Variants in DDAH1 observed in about 807,000 individuals in gnomAD.
DDAH1 encodes the protein dimethylarginine dimethylaminohydrolase 1, also known as N(G),N(G)-dimethylarginine dimethylaminohydrolase 1.
DDAH1 carries 19 observed loss-of-function variants against 28.8 expected under a neutral mutation model. That is an observed-to-expected ratio of 0.66 (90% CI 0.46 to 0.97). DDAH1 has a LOEUF of 0.97. Among genes scored for constraint, DDAH1 ranks in the 50% least tolerant of loss-of-function variants. The pLI, the probability that DDAH1 is intolerant of heterozygous loss-of-function variation, is 0.00. For missense variants in DDAH1, 326 were observed against 375.9 expected, an observed-to-expected ratio of 0.87 and a Z score of 1.10; for synonymous variants, 153 against 154.4, an observed-to-expected ratio of 0.99 and a Z score of 0.07.
intron 2 of DDAH1, among the ~76,000 whole-genome samples, chr1:85,484,162 G>A (rs946063232): frequency 2.6e-5 from 4 of 152,122 alleles, no homozygotes; most frequent in African/African-American, 9.6e-5. Context: ...GAATACTGGC[G>A]GCAAGTGACC....
chr1:85,415,005 C>CTTTTT (rs71727580), intron 1 of DDAH1, among the ~76,000 whole-genome samples: 2 of 57,606 alleles, frequency 3.5e-5, no homozygotes, highest in African/African-American at 6.4e-5. Flanking sequence ...TCAAGTGTTG[C>CTTTTT]TTTTTTTTTT....
intron 1 of DDAH1, among the ~76,000 whole-genome samples, chr1:85,452,501 A>G (rs549863023): frequency 3.3e-5 from 5 of 152,162 alleles, no homozygotes; most frequent in African/African-American, 1.2e-4. Flanking sequence ...ATACACTCTG[A>G]TATTTTCTAT....
intron 1 of DDAH1, among the ~76,000 whole-genome samples, chr1:85,535,354 T>G (rs1658239543): frequency 7.4e-6 from 1 of 134,692 alleles, no homozygotes; most frequent in Non-Finnish European, 1.6e-5. Context: ...TTCCTCCCAG[T>G]CATAAAACTC....
intron 1 of DDAH1, among the ~76,000 whole-genome samples, chr1:85,456,169 G>A (rs1654872950): frequency 6.6e-6 from 1 of 151,912 alleles, no homozygotes; most frequent in Non-Finnish European, 1.5e-5. Context: ...CCTGCCCCCA[G>A]GACAGTGGGT....
At chr1:85,406,347 T>A (rs1378044465) in intron 1 of DDAH1, among the ~76,000 whole-genome samples, 1 of 152,174 alleles carries the variant, frequency 6.6e-6, no homozygotes, top group Admixed American at 6.5e-5. Context: ...AATATTTTTT[T>A]AAGATACATT....
chr1:85,404,938 G>C (rs536445832), intron 1 of DDAH1, among the ~76,000 whole-genome samples: 1 of 152,266 alleles, frequency 6.6e-6, no homozygotes, highest in South Asian at 2.1e-4. Flanking sequence ...TTTGGGTTTT[G>C]TTTTGCTTCA....
chr1:85,397,683 G>T (rs1333656039), intron 1 of DDAH1, among the ~76,000 whole-genome samples: 1 of 152,090 alleles, frequency 6.6e-6, no homozygotes, highest in South Asian at 2.1e-4. Flanking sequence ...AATACAATTG[G>T]AAACACTGGT....
intron 1 of DDAH1, among the ~76,000 whole-genome samples, chr1:85,392,274 T>C (rs1469079113): frequency 6.6e-6 from 1 of 152,166 alleles, no homozygotes; most frequent in Non-Finnish European, 1.5e-5. Flanking sequence ...TTGTATTATC[T>C]TGGTATGCAT....
At chr1:85,321,723 C>T (rs548294378) in intron 5 of DDAH1, among the ~76,000 whole-genome samples, 155 bp from the exon 6 acceptor site, 25 of 152,240 alleles carry the variant, frequency 1.6e-4, no homozygotes, top group Non-Finnish European at 5.9e-5. Context: ...CACAGTCATC[C>T]CTATAGAGCT....
chr1:85,525,661 G>C (rs1570641904), intron 1 of DDAH1, among the ~76,000 whole-genome samples: 5 of 151,930 alleles, frequency 3.3e-5, no homozygotes, highest in Admixed American at 3.3e-4. Flanking sequence ...CAAAACTGGA[G>C]ACTAGCAGGA....
chr1:85,379,152 G>A (rs4512701), intron 1 of DDAH1, among the ~76,000 whole-genome samples: 19,855 of 152,108 alleles, frequency 0.13, 1,579 homozygotes, highest in South Asian at 0.29. Flanking sequence ...GGATGTAAGT[G>A]GCCTTATAGA....
intron 4 of DDAH1, among the ~76,000 whole-genome samples, chr1:85,336,548 G>A (rs1648135163): frequency 6.6e-6 from 1 of 151,670 alleles, no homozygotes; most frequent in Admixed American, 6.6e-5. Context: ...TTGTTACAAG[G>A]GAAATTTATA....
intron 1 of DDAH1, among the ~76,000 whole-genome samples, chr1:85,416,758 C>T (rs572332930): frequency 3.3e-5 from 5 of 152,098 alleles, no homozygotes; most frequent in Admixed American, 2.6e-4. Context: ...ACCTTTGCCT[C>T]GTGGGCTCAA....
Position 85,361,501 on chromosome 1 carries a change from C to G in DDAH1, c.304-2654G>C, listed in dbSNP as rs75816067. Among the ~76,000 whole-genome samples the G allele has an allele frequency of 9.3e-4, 141 of 152,204 alleles. 1 individual carries two copies. Among genetic ancestry groups the G allele is most frequent in the Middle Eastern group, 3.4e-3 (1 of 294 alleles). ...AACAGTATTAATTCCAACGGCTGAGCTGAATGGGTCATTTTAGCCCACAAA... is the reference window on the plus strand; with the variant it reads ...AACAGTATTAATTCCAACGGCTGAGGTGAATGGGTCATTTTAGCCCACAAA... On this transcript the variant is annotated intron_variant, in intron 1 of 5. Transcript: ENST00000284031.
rs781648534 is a variant in DDAH1 at position 85,464,729 on chromosome 1, G to C, written c.303+14C>G. On this transcript the variant is annotated intron_variant, in intron 1 of 5. Coordinates refer to ENST00000284031, the MANE Select transcript of DDAH1 (RefSeq NM_012137.4). The surrounding 1 kb of genome is among the most constrained non-coding windows in gnomAD (Gnocchi z 4.4). ...GGCGCGCGCCCCGGCCGCGCCCCTC[G>C]AGTCGGCAGTTACCTCCTTCCTCCG... The C allele has an allele frequency of 4.7e-6, 7 of 1,490,662 alleles. No individual in the cohort carries two copies. Among genetic ancestry groups the C allele is most frequent in the South Asian group, 4.1e-5 (3 of 73,886 alleles). 92.3% of individuals were successfully genotyped at this position (1,490,662 alleles called of 1,614,324 possible). A position where few individuals can be genotyped will look rare whatever the true frequency, so the allele number is the denominator to read the frequency against.
Position 85,434,680 on chromosome 1 carries a change from C to T in DDAH1, c.303+30063G>A, listed in dbSNP as rs12090059. 8.5e-3 allele frequency among the ~76,000 whole-genome samples: 1,294 copies of T among 152,244 alleles called. 29 individuals are homozygous for T. The highest frequency in any genetic ancestry group is 0.03 in the African/African-American group (1,233 of 41,534). ...GTGGTGGGATTACAGGAATTAGCCA[C>T]CATGCCTGGCCTAATATTCTGTTTT... On this transcript the variant is annotated intron_variant, in intron 1 of 5. Coordinates refer to ENST00000284031, the MANE Select transcript of DDAH1 (RefSeq NM_012137.4).
At position 85,510,093 on chromosome 1, in the gene DDAH1, C is replaced by T. The variant is rs1002810404; in HGVS notation, c.-122-13812G>A. Among the ~76,000 whole-genome samples the T allele has an allele frequency of 2.0e-5, 3 of 152,144 alleles. 1 individual carries two copies. Among genetic ancestry groups the T allele is most frequent in the South Asian group, 4.2e-4 (2 of 4,812 alleles). On this transcript the variant is annotated intron_variant, in intron 1 of 6. Coordinates refer to the DDAH1 transcript ENST00000426972. ...TGAAGGAAAAAGTGTTAAGGGCAGC[C>T]GAAGAGAAAGGTCAAGTTACCCACA...
intron 1 of DDAH1, among the ~76,000 whole-genome samples, chr1:85,559,014 G>C (rs1023561329): frequency 2.0e-5 from 3 of 152,164 alleles, no homozygotes; most frequent in African/African-American, 7.2e-5. Flanking sequence ...TTTCTAAACT[G>C]GTAGTGGAAG....
intron 1 of DDAH1, among the ~76,000 whole-genome samples, chr1:85,503,407 G>A (rs1235357396): frequency 6.6e-6 from 1 of 152,132 alleles, no homozygotes; most frequent in African/African-American, 2.4e-5. Flanking sequence ...CACCATGTTA[G>A]CCAGGCTGGT....
Sources: gnomAD v4.1 joint callset for allele counts (sites outside exome capture counted in the v4.1 genomes callset) on GRCh38, gnomAD v4.1.1 for gene constraint, Gnocchi (gnomAD v3.1) non-coding constraint, MANE v1.5 for transcripts, NCBI Gene and HGNC (gene_info 2026-07-23, HGNC 2026-07-21) for gene names.